HS6ST1: variants seen among roughly 807,000 people sequenced by gnomAD.
HS6ST1 encodes the protein heparan-sulfate 6-O-sulfotransferase 1.
Under a neutral mutation model 25.2 loss-of-function variants are expected in HS6ST1, and 3 were observed. The observed-to-expected ratio is 0.12, with a 90% CI of 0.05 to 0.31. HS6ST1 has a LOEUF of 0.31. Among genes scored for constraint, HS6ST1 ranks in the 10% least tolerant of loss-of-function variants. The pLI is 1.00. For missense variants in HS6ST1, 310 were observed against 609.6 expected (o/e 0.51, Z 5.18); for synonymous variants, 204 against 275.1 (o/e 0.74, Z 2.56).
chr2:128,313,083 C>T (rs1020422249), intron 1 of HS6ST1, among the ~76,000 whole-genome samples: 1 of 152,094 alleles, frequency 6.6e-6, no homozygotes, highest in Non-Finnish European at 1.5e-5. Context: ...AATTCACATG[C>T]TATTCAGTAC....
intron 1 of HS6ST1, among the ~76,000 whole-genome samples, chr2:128,300,048 G>C (rs968812333): frequency 6.6e-6 from 1 of 152,122 alleles, no homozygotes; most frequent in South Asian, 2.1e-4. Context: ...AGTCAGGCCT[G>C]GACCCGGGTG....
intron 1 of HS6ST1, among the ~76,000 whole-genome samples, chr2:128,298,592 C>T (rs1425216871): frequency 2.0e-5 from 3 of 152,270 alleles, no homozygotes; most frequent in Middle Eastern, 3.4e-3. Flanking sequence ...CCACTTAAAT[C>T]CGCTATCTAG....
chr2:128,299,604 C>T (rs376699840), intron 1 of HS6ST1, among the ~76,000 whole-genome samples: 2 of 152,190 alleles, frequency 1.3e-5, no homozygotes, highest in African/African-American at 2.4e-5. Context: ...GCTCACAAGC[C>T]GGTGAGGAGC....
At chr2:128,269,267 C>A (rs1693573886) in intron 1 of HS6ST1, among the ~76,000 whole-genome samples, 1 of 152,206 alleles carries the variant, frequency 6.6e-6, no homozygotes, top group South Asian at 2.1e-4. Context: ...TCAGCAGGAA[C>A]AGAAGGTGGG....
At chr2:128,301,227 G>A (rs1694120537) in intron 1 of HS6ST1, among the ~76,000 whole-genome samples, 1 of 151,788 alleles carries the variant, frequency 6.6e-6, no homozygotes, top group South Asian at 2.1e-4. Flanking sequence ...CCCGGGGGCT[G>A]CGTAGCTCTA....
chr2:128,282,789 A>G (rs908997710), intron 1 of HS6ST1, among the ~76,000 whole-genome samples: 1 of 152,214 alleles, frequency 6.6e-6, no homozygotes, highest in Non-Finnish European at 1.5e-5. Context: ...GGAGCTGGGC[A>G]CTGCGGAGGA....
At chr2:128,284,063 C>G (rs774220939) in intron 1 of HS6ST1, among the ~76,000 whole-genome samples, 2 of 152,198 alleles carry the variant, frequency 1.3e-5, no homozygotes, top group African/African-American at 2.4e-5. Flanking sequence ...GGCAGCCCCC[C>G]ACCCTCACCC....
intron 1 of HS6ST1, among the ~76,000 whole-genome samples, chr2:128,300,026 G>A (rs569475761): frequency 6.6e-6 from 1 of 152,278 alleles, no homozygotes; most frequent in African/African-American, 2.4e-5. Flanking sequence ...CCAGGCTGGG[G>A]CAGCATGGGA....
chr2:128,318,822 C>G lies in HS6ST1; in HGVS notation c.-259G>C, dbSNP rs3991330. Among the ~76,000 whole-genome samples, 92,763 of 146,890 alleles carry G rather than the reference C, an allele frequency of 0.63. 29,686 individuals carry two copies. Among genetic ancestry groups the G allele is most frequent in the East Asian group, 0.79 (3,916 of 4,960 alleles). On this transcript the variant is annotated 5_prime_UTR_variant, in exon 1 of 2. Transcript: ENST00000259241. This position sits in a 1 kb window ranked among gnomAD's most constrained non-coding sequence, Gnocchi z 5.7. Reference sequence around the variant, plus strand: ...CCCGGCCAGCACAGCGCTCTCCGCGCCCCCAGCACCAGCCCGCTCCGCTCC... The same window carrying G: ...CCCGGCCAGCACAGCGCTCTCCGCGGCCCCAGCACCAGCCCGCTCCGCTCC...
intron 1 of HS6ST1, among the ~76,000 whole-genome samples, chr2:128,270,064 C>G (rs1230437697): frequency 6.6e-6 from 1 of 152,218 alleles, no homozygotes; most frequent in African/African-American, 2.4e-5. Context: ...GAGGACATGT[C>G]AGAAAGCCCC....
intron 1 of HS6ST1, among the ~76,000 whole-genome samples, chr2:128,304,425 G>A (rs1694177228): frequency 6.6e-6 from 1 of 152,242 alleles, no homozygotes; most frequent in Non-Finnish European, 1.5e-5. Context: ...AGCCCCTCAG[G>A]ACCAGGACCA....
Position 128,268,498 on chromosome 2 carries a change from C to A in HS6ST1, c.900G>T (p.Thr300=). 2 of 1,611,334 alleles carry A rather than the reference C, an allele frequency of 1.2e-6. No homozygotes were observed. Among genetic ancestry groups the A allele is most frequent in the South Asian group, 1.1e-5 (1 of 90,838 alleles). The change falls in exon 2 of 2, where the codon ACG becomes ACT. Residue 300 remains threonine, a synonymous_variant. Coordinates refer to ENST00000259241, the MANE Select transcript of HS6ST1 (RefSeq NM_004807.3). ...FFGLTEFQRK[T]QYLFERTFNL... is the part of the protein sequence containing the mutation. ...TGAACGTCCGCTCGAACAGGTACTG[C>A]GTCTTGCGCTGGAACTCGGTCAGGC...
chr2:128,283,763 AG>A (rs1456437806), intron 1 of HS6ST1, among the ~76,000 whole-genome samples: 2 of 152,140 alleles, frequency 1.3e-5, no homozygotes, highest in African/African-American at 4.8e-5. Flanking sequence ...GCCTGCTGGC[AG>A]GAAGTCCTCA....
rs116775578 is a variant in HS6ST1 at position 128,311,116 on chromosome 2, C to A, written c.527+6921G>T. On this transcript the variant is annotated intron_variant, in intron 1 of 1. Coordinates refer to ENST00000259241, the MANE Select transcript of HS6ST1 (RefSeq NM_004807.3). ...CTCACTGTCATTTGGCTGGAGCAAC[C>A]TCATCCCCTAGGTCTAGGACTATTT... Among the ~76,000 whole-genome samples, 1,001 of 152,302 alleles carry A rather than the reference C, an allele frequency of 6.6e-3. 15 individuals carry two copies. The highest frequency in any genetic ancestry group is 0.022 in the African/African-American group (902 of 41,560).
chr2:128,293,573 G>A (rs1288465505), intron 1 of HS6ST1, among the ~76,000 whole-genome samples: 1 of 152,202 alleles, frequency 6.6e-6, no homozygotes, highest in Admixed American at 6.5e-5. Context: ...GGCGCTTCCC[G>A]GGGCCACAGC....
At chr2:128,279,274 G>A (rs1036648082) in intron 1 of HS6ST1, among the ~76,000 whole-genome samples, 1 of 151,486 alleles carries the variant, frequency 6.6e-6, no homozygotes, top group Non-Finnish European at 1.5e-5. Flanking sequence ...CCAACAGAGG[G>A]GAAGCTCCCT....
intron 1 of HS6ST1, among the ~76,000 whole-genome samples, chr2:128,277,357 T>G (rs1357215421): frequency 6.6e-6 from 1 of 152,178 alleles, no homozygotes; most frequent in African/African-American, 2.4e-5. Flanking sequence ...ATACGTGCCA[T>G]GTACTGGGAC....
Position 128,268,067 on chromosome 2 carries a change from G to C in HS6ST1, c.*95C>G. ...AGCTACCTCTGTGGAGCAGGTTTGGGATGCTCATCCCTTGACAGTCTTGGG... is the reference window on the plus strand; with the variant it reads ...AGCTACCTCTGTGGAGCAGGTTTGGCATGCTCATCCCTTGACAGTCTTGGG... On this transcript the variant is annotated 3_prime_UTR_variant, in exon 2 of 2. Transcript: ENST00000259241. The C allele has an allele frequency of 1.2e-6, 1 of 868,926 alleles. No individual in the cohort carries two copies. 53.8% of individuals were successfully genotyped at this position (868,926 alleles called of 1,614,324 possible). A position where few individuals can be genotyped will look rare whatever the true frequency, so the allele number is the denominator to read the frequency against.
In HS6ST1 at chr2:128,265,517, C is replaced by T. The variant is rs948668564; in HGVS notation, c.*2645G>A. On this transcript the variant is annotated 3_prime_UTR_variant, in exon 2 of 2. Transcript: ENST00000259241. ...TTTATTTCATCAGCTAACATTCATT[C>T]TCGACCTAGACAAAAACAATTAGAT... The T allele has an allele frequency of 2.0e-5, 3 of 152,262 alleles. No individual in the cohort carries two copies. The highest frequency in any genetic ancestry group is 4.4e-5 in the Non-Finnish European group (3 of 68,048). 9.4% of individuals were successfully genotyped at this position (152,262 alleles called of 1,614,324 possible).
Sources: allele counts gnomAD v4.1 joint callset (sites outside exome capture counted in the v4.1 genomes callset), GRCh38; gene constraint gnomAD v4.1.1; non-coding constraint Gnocchi (gnomAD v3.1); transcripts MANE v1.5; gene names NCBI Gene and HGNC (gene_info 2026-07-23, HGNC 2026-07-21).